The following RXRA variants were observed in gnomAD, a reference collection of about 807,000 sequenced individuals.
RXRA encodes the protein retinoic acid receptor RXR-alpha.
Under a neutral mutation model 44.5 loss-of-function variants are expected in RXRA, and 5 were observed. The observed-to-expected ratio is 0.11, with a 90% CI of 0.06 to 0.24. The LOEUF is 0.24. RXRA is among the 10% of genes least tolerant of loss of function. The pLI is 1.00. For missense variants in RXRA, 412 were observed against 646.5 expected (o/e 0.64, Z 3.93); for synonymous variants, 291 against 271.4 (o/e 1.07, Z -0.71).
rs142460853 is a variant in RXRA at position 134,436,659 on chromosome 9, C to T, written c.*45C>T. ...GTGCCCACCCGTTCTGGCCACCCTGCCTGGACGCCAGCTGTTCTTCTCAGC... is the reference window on the plus strand; with the variant it reads ...GTGCCCACCCGTTCTGGCCACCCTGTCTGGACGCCAGCTGTTCTTCTCAGC... On this transcript the variant is annotated 3_prime_UTR_variant, in exon 10 of 10. Coordinates refer to ENST00000481739, the MANE Select transcript of RXRA (RefSeq NM_002957.6). The T allele has an allele frequency of 8.1e-6, 13 of 1,608,400 alleles. No individual in the cohort carries two copies. The highest frequency in any genetic ancestry group is 9.3e-6 in the Non-Finnish European group (11 of 1,176,806).
intron 6 of RXRA, chr9:134,422,840 C>G: frequency 1.0e-6 from 1 of 985,462 alleles, no homozygotes. Flanking sequence ...TTTGGGGGCT[C>G]TGGAGAGGGA....
chr9:134,368,975 TTATG>T (rs1564272705), intron 1 of RXRA, among the ~76,000 whole-genome samples: 1 of 62,494 alleles, frequency 1.6e-5, no homozygotes, highest in Non-Finnish European at 2.8e-5. Flanking sequence ...GTGTGTGGGG[TTATG>T]TGTGTGTGAG....
At chr9:134,355,720 C>T (rs1189131731) in intron 1 of RXRA, among the ~76,000 whole-genome samples, 1 of 152,180 alleles carries the variant, frequency 6.6e-6, no homozygotes, top group Admixed American at 6.5e-5. Flanking sequence ...GCCTGCTCCT[C>T]TGGAGTGTTC....
At chr9:134,380,238 C>G in intron 1 of RXRA, 1 of 967,664 alleles carries the variant, frequency 1.0e-6, no homozygotes, top group Non-Finnish European at 1.2e-6. Context: ...ACGCCGATCC[C>G]AGGATGGGAG....
At chr9:134,372,402 C>T (rs1830501864) in intron 1 of RXRA, among the ~76,000 whole-genome samples, 1 of 152,154 alleles carries the variant, frequency 6.6e-6, no homozygotes, top group African/African-American at 2.4e-5. Context: ...GGAGTGGGGG[C>T]CGCAGGCGAG....
At chr9:134,363,223 A>C (rs1320013382) in intron 1 of RXRA, among the ~76,000 whole-genome samples, 1 of 152,098 alleles carries the variant, frequency 6.6e-6, no homozygotes, top group African/African-American at 2.4e-5. Flanking sequence ...GAAGTAACCC[A>C]AGTCATGGCC....
At chr9:134,353,964 C>T (rs561211987) in intron 1 of RXRA, among the ~76,000 whole-genome samples, 1 of 152,256 alleles carries the variant, frequency 6.6e-6, no homozygotes, top group Admixed American at 6.5e-5. Context: ...GCTAAGGGTG[C>T]CTGGTAGCTG....
At chr9:134,425,653 C>A in intron 6 of RXRA, 1 of 984,914 alleles carries the variant, frequency 1.0e-6, no homozygotes, top group Non-Finnish European at 1.2e-6. Flanking sequence ...GGCCCAAGGT[C>A]CCCCTGTGGG....
chr9:134,422,064 C>T lies in RXRA; in HGVS notation c.910+259C>T, dbSNP rs202072044. On this transcript the variant is annotated intron_variant, in intron 6 of 9. Transcript: ENST00000481739. Reference sequence around the variant, plus strand: ...CATCTCCCAGGACGCTCCCCTCTCCCAGGACGCTCCCCTCTCCCAGGACAC... The same window carrying T: ...CATCTCCCAGGACGCTCCCCTCTCCTAGGACGCTCCCCTCTCCCAGGACAC... 2.1e-3 allele frequency: 2,991 copies of T among 1,394,678 alleles called. 6 individuals carry two copies. Among genetic ancestry groups the T allele is most frequent in the Non-Finnish European group, 2.6e-3 (2,729 of 1,058,890 alleles). The allele number at this position is 1,394,678 out of a possible 1,614,324, so 86.4% of individuals were successfully genotyped here. A position where few individuals can be genotyped will look rare whatever the true frequency, so the allele number is the denominator to read the frequency against.
intron 4 of RXRA, among the ~76,000 whole-genome samples, chr9:134,412,274 C>G (rs990635566): frequency 6.6e-6 from 1 of 152,328 alleles, no homozygotes; most frequent in Admixed American, 6.5e-5. Flanking sequence ...GTGTCAGGCC[C>G]CCTGGTGGGC....
intron 1 of RXRA, among the ~76,000 whole-genome samples, chr9:134,330,088 G>A (rs1216008422): frequency 6.6e-6 from 1 of 152,184 alleles, no homozygotes; most frequent in Non-Finnish European, 1.5e-5. Flanking sequence ...GTTTTGCCAT[G>A]GGTCAAATGT....
intron 1 of RXRA, among the ~76,000 whole-genome samples, chr9:134,348,798 C>CTCCCCT (rs1554749124): frequency 3.2e-5 from 3 of 94,802 alleles, no homozygotes; most frequent in Non-Finnish European, 6.0e-5. Flanking sequence ...GAAGACTTCC[C>CTCCCCT]GGACGCTGGA....
At chr9:134,391,755 G>A (rs1206459509) in intron 1 of RXRA, among the ~76,000 whole-genome samples, 3 of 152,312 alleles carry the variant, frequency 2.0e-5, no homozygotes, top group Middle Eastern at 3.4e-3. Flanking sequence ...GCTGTGTCTG[G>A]CCACCCTGGT....
intron 1 of RXRA, among the ~76,000 whole-genome samples, chr9:134,377,451 G>C (rs1343887113): frequency 6.6e-6 from 1 of 152,206 alleles, no homozygotes; most frequent in Non-Finnish European, 1.5e-5. Flanking sequence ...GCCCTCCTTA[G>C]AACTCAGCCC....
intron 1 of RXRA, among the ~76,000 whole-genome samples, chr9:134,377,538 T>TGC (rs1214865744): frequency 3.9e-5 from 6 of 152,304 alleles, no homozygotes; most frequent in Non-Finnish European, 7.4e-5. Context: ...CGTGTGTGTG[T>TGC]GCCCTGCAGC....
chr9:134,408,955 T>C lies in RXRA; in HGVS notation c.446T>C (p.Val149Ala). Residue 149 changes from valine (V) to alanine (A), a missense_variant, in exon 4 of 10, where the codon GTG becomes GCG. By Grantham distance (64) the Val-to-Ala change is moderately conservative. Around this residue, in one of 4 missense-constraint regions of RXRA, gnomAD observed 48 missense variants for 119.9 expected, o/e 0.40. Coordinates refer to ENST00000481739, the MANE Select transcript of RXRA (RefSeq NM_002957.6). ...GDRSSGKHYG[V>A]YSCEGCKGFF... ...TGTCCCGCAGGCAAGCACTATGGAGTGTACAGCTGCGAGGGGTGCAAGGGC... is the reference window on the plus strand; with the variant it reads ...TGTCCCGCAGGCAAGCACTATGGAGCGTACAGCTGCGAGGGGTGCAAGGGC... The C allele has an allele frequency of 1.9e-6, 3 of 1,582,466 alleles. No homozygotes were observed. The highest frequency in any genetic ancestry group is 2.6e-6 in the Non-Finnish European group (3 of 1,163,976).
At chr9:134,421,393 C>T (rs1232880167) in intron 5 of RXRA, among the ~76,000 whole-genome samples, 1 of 152,170 alleles carries the variant, frequency 6.6e-6, no homozygotes, top group Non-Finnish European at 1.5e-5. Flanking sequence ...TCCTCTGACC[C>T]TCCTGCCTCC....
At chr9:134,427,219 A>C in intron 6 of RXRA, 4 of 969,348 alleles carry the variant, frequency 4.1e-6, no homozygotes, top group Non-Finnish European at 4.9e-6. Flanking sequence ...CTGGCTGGGC[A>C]GTGTGGAAGC....
chr9:134,334,727 A>G (rs1374097635), intron 1 of RXRA, among the ~76,000 whole-genome samples: 1 of 152,078 alleles, frequency 6.6e-6, no homozygotes, highest in Non-Finnish European at 1.5e-5. Context: ...GCTGTTGGCC[A>G]TTGGTCAGGG....
Sources: gnomAD v4.1 joint callset for allele counts (sites outside exome capture counted in the v4.1 genomes callset) on GRCh38, gnomAD v4.1.1 for gene constraint, gnomAD v4.1.1 regional missense constraint, MANE v1.5 for transcripts, NCBI Gene and HGNC (gene_info 2026-07-23, HGNC 2026-07-21) for gene names.